ZNG1E: variants seen among roughly 807,000 people sequenced by gnomAD.
The protein encoded by ZNG1E is Zn regulated GTPase metalloprotein activator 1E, also known as zinc-regulated GTPase metalloprotein activator 1E.
At chr9:65,674,150 G>GTATT in the ZNG1E span, among the ~76,000 whole-genome samples, 1 of 147,668 alleles carries the variant, frequency 6.8e-6, no homozygotes, top group Non-Finnish European at 1.5e-5. Flanking sequence ...CACGCCTAAG[G>GTATT]TATTTGCCTT....
chr9:65,722,149 C>A, the ZNG1E span, among the ~76,000 whole-genome samples: 1 of 112,806 alleles, frequency 8.9e-6, no homozygotes, highest in East Asian at 2.3e-4. Flanking sequence ...CTTAGCAAGG[C>A]CTGTTTGCTC....
At chr9:65,665,362 T>C in the ZNG1E span, among the ~76,000 whole-genome samples, 2 of 152,262 alleles carry the variant, frequency 1.3e-5, no homozygotes, top group African/African-American at 4.8e-5. Flanking sequence ...AGTACAGCTC[T>C]GTCTGTTGCT....
chr9:65,710,509 T>C, the ZNG1E span, among the ~76,000 whole-genome samples: 41 of 151,964 alleles, frequency 2.7e-4, no homozygotes, highest in African/African-American at 9.2e-4. Context: ...AAGTCTTTAA[T>C]CCATCTTGAA....
the ZNG1E span, among the ~76,000 whole-genome samples, chr9:65,662,499 T>A: frequency 2.0e-5 from 3 of 152,074 alleles, no homozygotes; most frequent in Non-Finnish European, 4.4e-5. Context: ...GAAAGCACAG[T>A]GAAGGGTATA....
chr9:65,687,694 A>G, the ZNG1E span, among the ~76,000 whole-genome samples: 4 of 150,612 alleles, frequency 2.7e-5, no homozygotes, highest in African/African-American at 9.7e-5. Flanking sequence ...CTTGTTTGGG[A>G]ACACTTTCAT....
the ZNG1E span, among the ~76,000 whole-genome samples, chr9:65,660,472 A>G: frequency 1.3e-5 from 2 of 152,230 alleles, no homozygotes; most frequent in East Asian, 3.8e-4. Context: ...CATGATAATG[A>G]AAAAGAAATA....
the ZNG1E span, among the ~76,000 whole-genome samples, chr9:65,728,217 C>A: frequency 6.6e-6 from 1 of 152,280 alleles, no homozygotes; most frequent in Non-Finnish European, 1.5e-5. Flanking sequence ...ATGACACAAC[C>A]TATCAACCTC....
chr9:65,717,827 A>G, the ZNG1E span, among the ~76,000 whole-genome samples: 1 of 145,306 alleles, frequency 6.9e-6, no homozygotes, highest in African/African-American at 2.7e-5. Flanking sequence ...AGCTGGGACT[A>G]TAGGCACGCA....
the ZNG1E span, among the ~76,000 whole-genome samples, chr9:65,681,162 TAGA>T: frequency 6.6e-6 from 1 of 151,904 alleles, no homozygotes; most frequent in Non-Finnish European, 1.5e-5. Context: ...AGAAACAATT[TAGA>T]AGAAGAATGA....
the ZNG1E span, among the ~76,000 whole-genome samples, chr9:65,660,828 GATATATAT>G: frequency 3.1e-3 from 409 of 130,136 alleles, no homozygotes; most frequent in African/African-American, 0.011. Flanking sequence ...TGGTTATACA[GATATATAT>G]ATATATATAT....
the ZNG1E span, among the ~76,000 whole-genome samples, chr9:65,677,436 C>G: frequency 6.6e-6 from 1 of 152,138 alleles, no homozygotes; most frequent in Non-Finnish European, 1.5e-5. Flanking sequence ...TCCTCCTTCC[C>G]CCTTTGTCCA....
chr9:65,664,774 C>T, the ZNG1E span, among the ~76,000 whole-genome samples: 3 of 152,178 alleles, frequency 2.0e-5, no homozygotes, highest in South Asian at 2.1e-4. Context: ...AACGACTTTG[C>T]CCAAAATGCT....
chr9:65,710,985 G>C, the ZNG1E span, among the ~76,000 whole-genome samples: 119 of 145,426 alleles, frequency 8.2e-4, no homozygotes, highest in African/African-American at 3.1e-3. Flanking sequence ...TCCTACCCAT[G>C]AGCATGGAAT....
chr9:65,668,209 T>A, the ZNG1E span, among the ~76,000 whole-genome samples: 1 of 152,028 alleles, frequency 6.6e-6, no homozygotes, highest in South Asian at 2.1e-4. Context: ...TATATTCATA[T>A]ACATGAGACT....
chr9:65,732,781 A>G, the ZNG1E span: 1 of 1,408,480 alleles, frequency 7.1e-7, no homozygotes, highest in Non-Finnish European at 9.2e-7. Context: ...GTTCAAAAAA[A>G]AAACAATACA....
the ZNG1E span, among the ~76,000 whole-genome samples, chr9:65,661,857 A>T: frequency 6.6e-6 from 1 of 152,246 alleles, no homozygotes; most frequent in East Asian, 1.9e-4. Context: ...TATAAATGTT[A>T]TTAAAACTCA....
At chr9:65,704,867 C>T in the ZNG1E span, 1 of 101,130 alleles carries the variant, frequency 9.9e-6, no homozygotes, top group Non-Finnish European at 1.9e-5. Context: ...GCTGAGATCG[C>T]ACCACTGCAC....
the ZNG1E span, among the ~76,000 whole-genome samples, chr9:65,722,660 A>G: frequency 1.4e-5 from 1 of 69,984 alleles, no homozygotes; most frequent in East Asian, 4.3e-4. Flanking sequence ...CCTCCTGAGT[A>G]GCTGGGATTA....
the ZNG1E span, among the ~76,000 whole-genome samples, chr9:65,680,874 C>T: frequency 1.2e-4 from 19 of 152,158 alleles, no homozygotes; most frequent in East Asian, 1.9e-4. Flanking sequence ...CTGCAACCTC[C>T]GCCTCCCGGG....
Sources: allele counts gnomAD v4.1 joint callset (sites outside exome capture counted in the v4.1 genomes callset), GRCh38; gene constraint gnomAD v4.1.1; transcripts MANE v1.5; gene names NCBI Gene and HGNC (gene_info 2026-07-23, HGNC 2026-07-21).